The following CPNE1 variants were observed in gnomAD, a reference collection of about 807,000 sequenced individuals.
CPNE1 encodes copine-1.
A neutral mutation model predicts 63.2 loss-of-function variants in CPNE1; 58 were observed. The ratio of observed to expected loss-of-function variants is 0.92; its 90% CI spans 0.74 to 1.14. CPNE1 has a LOEUF of 1.14. Ranked by LOEUF, CPNE1 falls within the 50% of genes most tolerant of loss-of-function variation. CPNE1 has a pLI of 0.00. For synonymous variants in CPNE1, 237 were observed against 249.0 expected, an observed-to-expected ratio of 0.95 and a Z score of 0.45; for missense variants, 672 against 661.7, an observed-to-expected ratio of 1.02 and a Z score of -0.17.
At chr20:35,656,593 G>A (rs1348666885) in intron 1 of CPNE1, among the ~76,000 whole-genome samples, 1 of 152,182 alleles carries the variant, frequency 6.6e-6, no homozygotes, top group East Asian at 1.9e-4. Flanking sequence ...GCAGTGCAAC[G>A]GCACGATCTC....
At chr20:35,661,474 A>G (rs1235172037) in intron 1 of CPNE1, among the ~76,000 whole-genome samples, 1 of 152,240 alleles carries the variant, frequency 6.6e-6, no homozygotes. Flanking sequence ...TAATGATAGG[A>G]AAGGAGAAAA....
intron 1 of CPNE1, among the ~76,000 whole-genome samples, chr20:35,645,930 T>C (rs969002557): frequency 6.6e-6 from 1 of 151,958 alleles, no homozygotes; most frequent in African/African-American, 2.4e-5. Context: ...TGGTACCAGT[T>C]GGTGTGATTT....
chr20:35,640,981 A>C (rs73905914), intron 1 of CPNE1, among the ~76,000 whole-genome samples: 1 of 152,174 alleles, frequency 6.6e-6, no homozygotes, highest in African/African-American at 2.4e-5. Context: ...CTGAGTCTAT[A>C]GCTCCAACAT....
At chr20:35,644,282 T>C (rs2032988544) in intron 1 of CPNE1, among the ~76,000 whole-genome samples, 1 of 152,156 alleles carries the variant, frequency 6.6e-6, no homozygotes, top group South Asian at 2.1e-4. Flanking sequence ...GGAATGCCTC[T>C]GGTCTACCTG....
chr20:35,662,807 G>A (rs926794660), intron 1 of CPNE1, among the ~76,000 whole-genome samples: 10 of 152,122 alleles, frequency 6.6e-5, no homozygotes, highest in Admixed American at 5.9e-4. Context: ...AACATTTGAC[G>A]TGTCAAAGAA....
Position 35,631,365 on chromosome 20 carries a change from C to A in CPNE1, c.715-11G>T. ...GCATTCAAACTCAGCCTGGTGAGGA[C>A]AGAAAAATTAGGGTAGGAAATTCTC... On this transcript the variant is annotated splice_polypyrimidine_tract_variant and intron_variant, in intron 8 of 15. Transcript: ENST00000397443. 6.2e-7 allele frequency: 1 copy of A among 1,613,806 alleles called. No individual in the cohort carries two copies. The highest frequency in any genetic ancestry group is 8.5e-7 in the Non-Finnish European group (1 of 1,179,778).
At chr20:35,652,262 G>A (rs2033576627) in intron 1 of CPNE1, 2 of 344,774 alleles carry the variant, frequency 5.8e-6, no homozygotes, top group East Asian at 1.1e-4. Context: ...GTGGTCATTT[G>A]AGTTTTACAA....
At chr20:35,661,916 T>C (rs2034250337) in intron 1 of CPNE1, among the ~76,000 whole-genome samples, 3 of 152,172 alleles carry the variant, frequency 2.0e-5, no homozygotes, top group Non-Finnish European at 4.4e-5. Flanking sequence ...AACTCTCAAA[T>C]GTTCACCTCA....
intron 1 of CPNE1, among the ~76,000 whole-genome samples, chr20:35,636,669 C>T (rs1349074364): frequency 6.6e-6 from 1 of 152,046 alleles, no homozygotes; most frequent in Non-Finnish European, 1.5e-5. Flanking sequence ...TGGTGGTGCA[C>T]ACCTGTAGTC....
At chr20:35,639,121 T>C (rs2032656415) in intron 1 of CPNE1, among the ~76,000 whole-genome samples, 1 of 150,252 alleles carries the variant, frequency 6.7e-6, no homozygotes, top group Non-Finnish European at 1.5e-5. Flanking sequence ...CAACAACCCA[T>C]AAACAAATGT....
intron 1 of CPNE1, among the ~76,000 whole-genome samples, chr20:35,642,116 C>G (rs1262581007): frequency 6.6e-6 from 1 of 152,210 alleles, no homozygotes; most frequent in Non-Finnish European, 1.5e-5. Flanking sequence ...CTATGGCCAC[C>G]CTTCCCTTGC....
At chr20:35,626,542 C>G (rs758788987) in intron 15 of CPNE1, 25 bp downstream of exon 15, 7 of 1,609,296 alleles carry the variant, frequency 4.3e-6, no homozygotes, top group Non-Finnish European at 6.0e-6. Flanking sequence ...GGGTAAACTC[C>G]CAGATCAAAT....
intron 1 of CPNE1, chr20:35,650,216 C>G (rs1901936721): frequency 6.6e-6 from 1 of 152,450 alleles, no homozygotes; most frequent in Admixed American, 6.5e-5. Flanking sequence ...ACATAGTTCT[C>G]TCCAATTTCT....
Position 35,626,653 on chromosome 20 carries a change from C to T in CPNE1, c.1387G>A (p.Ala463Thr), listed in dbSNP as rs778542371. 6.8e-6 allele frequency: 11 copies of T among 1,614,064 alleles called. No homozygotes were observed. The highest frequency in any genetic ancestry group is 4.4e-5 in the South Asian group (4 of 91,092). Residue 463 changes from alanine to threonine, a missense_variant, in exon 15 of 16, where the codon GCT (alanine) becomes ACT (threonine). Ala to Thr is a moderately conservative substitution (Grantham distance 58, BLOSUM62 0). Transcript: ENST00000397443. ...CGTGTATGCAGGGGTCCACCATCAG[C>T]GTCCAGCTGCTCCATGGCCTCAAAG... ...ADFEAMEQLD[A>T]DGGPLHTRSG... is the part of the protein sequence containing the mutation.
chr20:35,642,315 A>C (rs1405600542), intron 1 of CPNE1, among the ~76,000 whole-genome samples: 1 of 152,202 alleles, frequency 6.6e-6, no homozygotes, highest in Non-Finnish European at 1.5e-5. Flanking sequence ...ACCCCAGGTA[A>C]TGACCAGAAG....
In CPNE1 at chr20:35,637,165, T is replaced by TA. The variant is rs570322146; in HGVS notation, c.1-4243dup. 7.8e-4 allele frequency among the ~76,000 whole-genome samples: 118 copies of TA among 152,242 alleles called. 1 individual carries two copies. The highest frequency in any genetic ancestry group is 2.6e-3 in the African/African-American group (109 of 41,544). On this transcript the variant is annotated intron_variant, in intron 1 of 15. Transcript: ENST00000397443. ...CCTCCACTTCCAGTTCAACAACCCCTACCTAACTTCAGGCCTTATTAGTCT... is the reference window on the plus strand; with the variant it reads ...CCTCCACTTCCAGTTCAACAACCCCTAACCTAACTTCAGGCCTTATTAGTCT...
chr20:35,645,310 A>G (rs768274180), intron 1 of CPNE1, among the ~76,000 whole-genome samples: 69 of 152,212 alleles, frequency 4.5e-4, no homozygotes, highest in Non-Finnish European at 8.5e-4. Context: ...CATGTTAGGG[A>G]AGCCGAGAAA....
At chr20:35,654,814 G>A (rs778628195) in intron 1 of CPNE1, 4 of 1,614,238 alleles carry the variant, frequency 2.5e-6, no homozygotes, top group Non-Finnish European at 3.4e-6. Context: ...TGAGCTAAAC[G>A]TTGGGCTCCC....
intron 7 of CPNE1, 21 bp from the exon 8 acceptor site, chr20:35,631,599 G>C (rs1469667803): frequency 1.2e-6 from 2 of 1,611,138 alleles, no homozygotes; most frequent in South Asian, 2.2e-5. Context: ...GGTGTGTGTG[G>C]ACATAAACAA....
Sources: allele counts gnomAD v4.1 joint callset (sites outside exome capture counted in the v4.1 genomes callset), GRCh38; gene constraint gnomAD v4.1.1; transcripts MANE v1.5; gene names NCBI Gene and HGNC (gene_info 2026-07-23, HGNC 2026-07-21).